DLG2: variants seen among roughly 807,000 people sequenced by gnomAD.
DLG2 encodes disks large homolog 2.
Under a neutral mutation model 132.5 loss-of-function variants are expected in DLG2, and 45 were observed. The observed-to-expected ratio is 0.34, with a 90% CI of 0.27 to 0.44. DLG2 has a LOEUF of 0.44. DLG2 is among the 20% of genes least tolerant of loss of function. The pLI is 1.00. For missense variants in DLG2, 1,045 were observed against 1,196.9 expected (o/e 0.87, Z 1.87); for synonymous variants, 424 against 419.6 (o/e 1.01, Z -0.13).
intron 8 of DLG2, among the ~76,000 whole-genome samples, chr11:84,181,747 G>A (rs528358422): frequency 6.6e-6 from 1 of 152,246 alleles, no homozygotes; most frequent in African/African-American, 2.4e-5. Context: ...TCCAGGTGGA[G>A]CAGATATCAA....
intron 7 of DLG2, among the ~76,000 whole-genome samples, chr11:84,307,487 G>T (rs1009414828): frequency 6.6e-6 from 1 of 152,072 alleles, no homozygotes; most frequent in African/African-American, 2.4e-5. Flanking sequence ...ACGAAGTCAG[G>T]AGATCCAGAC....
chr11:83,803,118 C>T (rs1038700985), intron 17 of DLG2, among the ~76,000 whole-genome samples: 1 of 151,906 alleles, frequency 6.6e-6, no homozygotes, highest in African/African-American at 2.4e-5. Context: ...AACATGAGTC[C>T]TAGGGTAATC....
chr11:85,487,955 C>A (rs998528292), intron 3 of DLG2, among the ~76,000 whole-genome samples: 1 of 152,174 alleles, frequency 6.6e-6, no homozygotes, highest in Admixed American at 6.5e-5. Context: ...GGGAGGGACC[C>A]AGTGGGAGAT....
Position 84,002,391 on chromosome 11 carries a change from T to G in DLG2, c.920-21749A>C, listed in dbSNP as rs112091722. Among the ~76,000 whole-genome samples, 12 of 152,290 alleles carry G rather than the reference T, an allele frequency of 7.9e-5. 1 individual carries two copies. The highest frequency in any genetic ancestry group is 2.9e-4 in the African/African-American group (12 of 41,580). The stretch of plus-strand genomic sequence containing the variant: ...TGGGGGTGCCCACCCGACATTTCCC[T>G]TCCCTATTGCCCTATCATAGGTTCT... On this transcript the variant is annotated intron_variant, in intron 11 of 27. Transcript: ENST00000376104.
At chr11:83,988,219 C>T (rs916634836) in intron 11 of DLG2, among the ~76,000 whole-genome samples, 4 of 152,056 alleles carry the variant, frequency 2.6e-5, no homozygotes, top group African/African-American at 9.7e-5. Flanking sequence ...GTGCTTATGT[C>T]CTGAATGGTA....
chr11:84,688,926 T>G (rs1036295863), intron 6 of DLG2, among the ~76,000 whole-genome samples: 1 of 152,158 alleles, frequency 6.6e-6, no homozygotes, highest in African/African-American at 2.4e-5. Flanking sequence ...ATATACTTAG[T>G]TAGCTACACA....
At chr11:84,366,942 C>A (rs879570977) in intron 7 of DLG2, among the ~76,000 whole-genome samples, 2 of 152,088 alleles carry the variant, frequency 1.3e-5, no homozygotes, top group Non-Finnish European at 1.5e-5. Context: ...GAATTGAACT[C>A]ATCTCTGCAC....
At chr11:84,181,450 AAGAACAGTAATT>A (rs2096125511) in intron 8 of DLG2, among the ~76,000 whole-genome samples, 1 of 152,136 alleles carries the variant, frequency 6.6e-6, no homozygotes, top group South Asian at 2.1e-4. Flanking sequence ...ATGAAAGAAC[AAGAACAGTAATT>A]AGAACAGTAA....
At chr11:84,377,489 C>A (rs1163440952) in intron 7 of DLG2, among the ~76,000 whole-genome samples, 2 of 151,736 alleles carry the variant, frequency 1.3e-5, no homozygotes, top group South Asian at 2.1e-4. Context: ...AAATTGGTAA[C>A]TTTCTAGGTG....
intron 6 of DLG2, among the ~76,000 whole-genome samples, chr11:84,625,959 G>T (rs1365786320): frequency 6.6e-6 from 1 of 152,008 alleles, no homozygotes; most frequent in Non-Finnish European, 1.5e-5. Flanking sequence ...TTAACAATTA[G>T]GTGCCAAGCA....
At chr11:84,584,625 C>G (rs866459895) in intron 6 of DLG2, among the ~76,000 whole-genome samples, 24 of 150,706 alleles carry the variant, frequency 1.6e-4, no homozygotes, top group Admixed American at 4.0e-4. Context: ...CTCAGCCTCC[C>G]AAAGTGCTGG....
intron 3 of DLG2, among the ~76,000 whole-genome samples, chr11:85,463,282 TA>T (rs1565527156): frequency 6.6e-6 from 1 of 152,168 alleles, no homozygotes; most frequent in African/African-American, 2.4e-5. Context: ...GCAAAGTGGT[TA>T]AAAATGAAAG....
chr11:85,435,547 G>A (rs1034447093), intron 3 of DLG2, among the ~76,000 whole-genome samples: 2 of 152,046 alleles, frequency 1.3e-5, no homozygotes, highest in African/African-American at 4.8e-5. Flanking sequence ...AATCATGAAT[G>A]AACTCCCATT....
intron 3 of DLG2, among the ~76,000 whole-genome samples, chr11:85,343,617 TTCTCTC>T (rs142981771): frequency 6.6e-6 from 1 of 151,284 alleles, no homozygotes; most frequent in Non-Finnish European, 1.5e-5. Flanking sequence ...TGTGCACACG[TTCTCTC>T]TCTCTCTCTC....
At chr11:84,936,406 T>G (rs1317525766) in intron 6 of DLG2, among the ~76,000 whole-genome samples, 1 of 152,138 alleles carries the variant, frequency 6.6e-6, no homozygotes, top group East Asian at 1.9e-4. Context: ...TATTTTTACT[T>G]AAATATTTCA....
At position 84,353,452 on chromosome 11, in the gene DLG2, A is replaced by G. The variant is rs545533441; in HGVS notation, c.520-102161T>C. On this transcript the variant is annotated intron_variant, in intron 7 of 27. Transcript: ENST00000376104. ...ACATTCCTCTCCCTCATCTCCACACATGCATCAGTCACCAAGTCCTGTTGT... is the reference window on the plus strand; with the variant it reads ...ACATTCCTCTCCCTCATCTCCACACGTGCATCAGTCACCAAGTCCTGTTGT... 3.9e-5 allele frequency among the ~76,000 whole-genome samples: 6 copies of G among 152,126 alleles called. No individual in the cohort carries two copies. The South Asian group carries it at 8.3e-4, about 21-fold the overall frequency.
At chr11:84,117,958 C>T (rs4944465) in intron 9 of DLG2, among the ~76,000 whole-genome samples, 8 of 152,000 alleles carry the variant, frequency 5.3e-5, no homozygotes, top group African/African-American at 1.7e-4. Flanking sequence ...CAGGTTCAAG[C>T]GATTCTCCTG....
chr11:84,969,219 C>A (rs556778674), intron 6 of DLG2, among the ~76,000 whole-genome samples: 26 of 152,270 alleles, frequency 1.7e-4, no homozygotes, highest in African/African-American at 5.5e-4. Context: ...CAAGAAACAA[C>A]TGGAATTCAG....
intron 6 of DLG2, among the ~76,000 whole-genome samples, chr11:84,707,243 C>T (rs1409822827): frequency 6.6e-6 from 1 of 151,722 alleles, no homozygotes; most frequent in African/African-American, 2.4e-5. Flanking sequence ...TTATCTGCCT[C>T]CCCAGAACCC....
Sources: gnomAD v4.1 joint callset for allele counts (sites outside exome capture counted in the v4.1 genomes callset) on GRCh38, gnomAD v4.1.1 for gene constraint, MANE v1.5 for transcripts, NCBI Gene and HGNC (gene_info 2026-07-23, HGNC 2026-07-21) for gene names.